Variants in CADM1 observed in about 807,000 individuals in gnomAD.
The protein encoded by CADM1 is cell adhesion molecule 1.
In CADM1, 15 loss-of-function variants were observed where a neutral mutation model predicts 53.1. The observed-to-expected ratio is 0.28, with a 90% CI of 0.19 to 0.44. The LOEUF is 0.44. CADM1 is among the 20% of genes least tolerant of loss of function. CADM1 has a pLI of 1.00. For synonymous variants in CADM1, 281 were observed against 243.0 expected (o/e 1.16, Z -1.45); for missense variants, 434 against 611.3 (o/e 0.71, Z 3.06).
At chr11:115,353,880 A>C (rs1945797979) in intron 1 of CADM1, among the ~76,000 whole-genome samples, 1 of 152,128 alleles carries the variant, frequency 6.6e-6, no homozygotes, top group Non-Finnish European at 1.5e-5. Context: ...AGGAGTATTC[A>C]ATTTGTAAGG....
intron 1 of CADM1, among the ~76,000 whole-genome samples, chr11:115,291,717 C>T (rs1319314854): frequency 6.6e-6 from 1 of 152,204 alleles, no homozygotes; most frequent in Non-Finnish European, 1.5e-5. Flanking sequence ...CCAAATCTCT[C>T]TCTCACCCTC....
At chr11:115,242,514 CAA>C (rs1038266586) in intron 1 of CADM1, among the ~76,000 whole-genome samples, 2 of 151,902 alleles carry the variant, frequency 1.3e-5, no homozygotes, top group East Asian at 1.9e-4. Context: ...CTGGCCCTGG[CAA>C]AAGTGTGTAC....
Position 115,331,520 on chromosome 11 carries a change from CA to C in CADM1, c.125-91101del, listed in dbSNP as rs1945127725. Among the ~76,000 whole-genome samples the C allele has an allele frequency of 2.0e-5, 3 of 152,198 alleles. No homozygotes were observed. The East Asian group carries it at 5.8e-4, about 29-fold the overall frequency. ...TATTCCAACTAATGTCCTAAACTTA[CA>C]ATTTCAATGATTCTCCATCCAGTTG... On this transcript the variant is annotated intron_variant, in intron 1 of 11. Coordinates refer to ENST00000331581, the MANE Select transcript of CADM1 (RefSeq NM_001301043.2).
Position 115,433,218 on chromosome 11 carries a change from C to T in CADM1, c.124+71053G>A, listed in dbSNP as rs962055433. 3.3e-5 allele frequency among the ~76,000 whole-genome samples: 5 copies of T among 152,134 alleles called. 1 individual carries two copies. The highest frequency in any genetic ancestry group is 2.0e-4 in the Admixed American group (3 of 15,280). ...CTTCTTCTTCTTCTACAAAGCCATGCAGATAATATTTCAACAATAACCACA... is the reference window on the plus strand; with the variant it reads ...CTTCTTCTTCTTCTACAAAGCCATGTAGATAATATTTCAACAATAACCACA... On this transcript the variant is annotated intron_variant, in intron 1 of 11. Transcript: ENST00000331581.
intron 1 of CADM1, among the ~76,000 whole-genome samples, chr11:115,247,591 A>C (rs1426217196): frequency 6.6e-6 from 1 of 152,234 alleles, no homozygotes; most frequent in African/African-American, 2.4e-5. Context: ...AATGCACATG[A>C]AGGGAGAATA....
chr11:115,226,630 G>T (rs1941618075), intron 5 of CADM1, among the ~76,000 whole-genome samples: 1 of 152,102 alleles, frequency 6.6e-6, no homozygotes, highest in African/African-American at 2.4e-5. Context: ...TTTCCTCATG[G>T]TCATCAAAAT....
intron 1 of CADM1, chr11:115,287,314 T>C (rs934082233): frequency 6.6e-6 from 1 of 152,142 alleles, no homozygotes; most frequent in African/African-American, 2.4e-5. Flanking sequence ...TGTTATTCTA[T>C]TGAAAGGTAT....
At chr11:115,223,226 C>T (rs776445423) in intron 5 of CADM1, among the ~76,000 whole-genome samples, 63 of 152,128 alleles carry the variant, frequency 4.1e-4, no homozygotes, top group Non-Finnish European at 8.4e-4. Context: ...TCAATCCAGC[C>T]GCCCAAATCA....
At chr11:115,321,236 GT>G (rs1230245962) in intron 1 of CADM1, among the ~76,000 whole-genome samples, 1 of 152,140 alleles carries the variant, frequency 6.6e-6, no homozygotes, top group Non-Finnish European at 1.5e-5. Context: ...TACCAATTTG[GT>G]TTTCTTCCTA....
At chr11:115,488,180 T>C (rs1020296933) in intron 1 of CADM1, among the ~76,000 whole-genome samples, 1 of 152,098 alleles carries the variant, frequency 6.6e-6, no homozygotes, top group African/African-American at 2.4e-5. Context: ...TAAGACAATA[T>C]AGAGCTATGT....
intron 6 of CADM1, 37 bp downstream of exon 6, chr11:115,217,855 G>T: frequency 1.6e-6 from 2 of 1,285,946 alleles, no homozygotes; most frequent in East Asian, 2.3e-5. Flanking sequence ...CATTTACTGC[G>T]CATGACCCTC....
chr11:115,473,283 G>A (rs1002411345), intron 1 of CADM1, among the ~76,000 whole-genome samples: 1 of 152,028 alleles, frequency 6.6e-6, no homozygotes, highest in Non-Finnish European at 1.5e-5. Flanking sequence ...ACATAGCAAG[G>A]CCCCCTATCT....
chr11:115,486,802 T>G (rs762674073), intron 1 of CADM1, among the ~76,000 whole-genome samples: 5 of 152,200 alleles, frequency 3.3e-5, no homozygotes, highest in Non-Finnish European at 7.3e-5. Context: ...CCTTCTCACC[T>G]CTTTCTCAAT....
intron 1 of CADM1, among the ~76,000 whole-genome samples, chr11:115,501,384 C>G (rs576077749): frequency 2.0e-5 from 3 of 152,266 alleles, no homozygotes; most frequent in South Asian, 4.1e-4. Flanking sequence ...AGTCAGCCCC[C>G]CTCCTTCCCA....
In CADM1 at chr11:115,347,027, A is replaced by C. The variant is rs114702749; in HGVS notation, c.125-106607T>G. On this transcript the variant is annotated intron_variant, in intron 1 of 11. Transcript: ENST00000331581. ...AAATTTAGAGTACCTAAACTAAATA[A>C]GCATATAAACATATACTCTCAATGC... 2.0e-3 allele frequency among the ~76,000 whole-genome samples: 305 copies of C among 152,332 alleles called. 2 individuals are homozygous for C. Among genetic ancestry groups the C allele is most frequent in the African/African-American group, 6.9e-3 (288 of 41,586 alleles).
At chr11:115,293,425 T>G (rs1441086086) in intron 1 of CADM1, among the ~76,000 whole-genome samples, 2 of 151,634 alleles carry the variant, frequency 1.3e-5, no homozygotes, top group African/African-American at 4.8e-5. Context: ...AGAGCGAGAC[T>G]CCGTCTCAAA....
rs1938838708 is a variant in CADM1, at chr11:115,172,751, TTTTTTTTAAC to T, written c.*3713_*3722del. On this transcript the variant is annotated 3_prime_UTR_variant, in exon 12 of 12. Transcript: ENST00000331581. Reference sequence around the variant, plus strand: ...TTTTTTTTTTTTTTTTTTTTTTTTTTTTTTTTTAACAGAGACAGGTAAGAGACCAGGCCAG... The same window carrying T: ...TTTTTTTTTTTTTTTTTTTTTTTTTTAGAGACAGGTAAGAGACCAGGCCAG... 4.0e-5 allele frequency: 1 copy of T among 24,894 alleles called. No individual in the cohort carries two copies. Among genetic ancestry groups the T allele is most frequent in the Non-Finnish European group, 8.9e-5 (1 of 11,244 alleles). The allele number at this position is 24,894 out of a possible 1,614,324, so 1.5% of individuals were successfully genotyped here.
At chr11:115,485,606 G>C (rs921546701) in intron 1 of CADM1, among the ~76,000 whole-genome samples, 3 of 152,120 alleles carry the variant, frequency 2.0e-5, no homozygotes, top group Non-Finnish European at 4.4e-5. Flanking sequence ...GGTTTATAAG[G>C]GGAAACCCCT....
At chr11:115,325,329 A>G (rs1299218016) in intron 1 of CADM1, among the ~76,000 whole-genome samples, 1 of 152,110 alleles carries the variant, frequency 6.6e-6, no homozygotes, top group African/African-American at 2.4e-5. Context: ...GGGCTTGGAC[A>G]TCAGTCATCA....
Sources: gnomAD v4.1 joint callset for allele counts (sites outside exome capture counted in the v4.1 genomes callset) on GRCh38, gnomAD v4.1.1 for gene constraint, MANE v1.5 for transcripts, NCBI Gene and HGNC (gene_info 2026-07-23, HGNC 2026-07-21) for gene names.